The following DNAJB6 variants were observed in gnomAD, a reference collection of about 807,000 sequenced individuals.
The protein encoded by DNAJB6 is DnaJ heat shock protein family (Hsp40) member B6, also known as dnaJ homolog subfamily B member 6.
A neutral mutation model predicts 42.7 loss-of-function variants in DNAJB6; 16 were observed. The ratio of observed to expected loss-of-function variants is 0.37; its 90% CI spans 0.25 to 0.57. The LOEUF is 0.57. Among genes scored for constraint, DNAJB6 ranks in the 20% least tolerant of loss-of-function variants. The pLI, the probability that DNAJB6 is intolerant of heterozygous loss-of-function variation, is 0.74. For missense variants in DNAJB6, 347 were observed against 416.8 expected, an observed-to-expected ratio of 0.83 and a Z score of 1.46; for synonymous variants, 170 against 163.5, an observed-to-expected ratio of 1.04 and a Z score of -0.30.
At chr7:157,361,161 G>GTT (rs11334356) in intron 2 of DNAJB6, among the ~76,000 whole-genome samples, 5 of 138,910 alleles carry the variant, frequency 3.6e-5, no homozygotes, top group East Asian at 2.2e-4. Flanking sequence ...ACTGCTACAC[G>GTT]TTTTTTTTTT....
chr7:157,349,587 A>G (rs1412726045), intron 1 of DNAJB6, among the ~76,000 whole-genome samples: 3 of 151,836 alleles, frequency 2.0e-5, no homozygotes, highest in Admixed American at 6.6e-5. Context: ...GGCTCAAGCC[A>G]TCCTCCCACC....
At chr7:157,404,752 T>C (rs1439393328) in intron 8 of DNAJB6, among the ~76,000 whole-genome samples, 3 of 152,114 alleles carry the variant, frequency 2.0e-5, no homozygotes, top group African/African-American at 4.8e-5. Flanking sequence ...GTGATCCGCC[T>C]GCCTCAGCCT....
At position 157,382,007 on chromosome 7, in the gene DNAJB6, TAA is replaced by T. The variant is rs1278263614; in HGVS notation, c.347-238_347-237del. Reference sequence around the variant, plus strand: ...TGTGTGTATGTGCTGTTTTTTTAATTAAGTCTGGTAATTTATTTGATACAATG... The same window carrying T: ...TGTGTGTATGTGCTGTTTTTTTAATTGTCTGGTAATTTATTTGATACAATG... On this transcript the variant is annotated intron_variant, in intron 5 of 9. Coordinates refer to ENST00000262177, the MANE Select transcript of DNAJB6 (RefSeq NM_058246.4). The T allele has an allele frequency of 2.0e-5, 7 of 348,488 alleles. No homozygotes were observed. In the East Asian group the frequency reaches 3.4e-4, roughly 17 times the overall value. 21.6% of individuals were successfully genotyped at this position (348,488 alleles called of 1,614,324 possible).
rs367778990 is a variant in DNAJB6, at chr7:157,350,043, TC to T, written c.-26-8500del. 2.2e-4 allele frequency among the ~76,000 whole-genome samples: 34 copies of T among 152,290 alleles called. No homozygotes were observed. The East Asian group carries it at 6.4e-3, about 29-fold the overall frequency. On this transcript the variant is annotated intron_variant, in intron 1 of 9. Transcript: ENST00000262177. The stretch of plus-strand genomic sequence containing the variant: ...AGCTCAAGCGTTCCCTCATTCTCTG[TC>T]CCCAGAACACTGGGATTACAGGCAT...
chr7:157,363,090 T>A, intron 2 of DNAJB6, 71 bp from the exon 3 acceptor site: 1 of 1,053,674 alleles, frequency 9.5e-7, no homozygotes, highest in Non-Finnish European at 1.4e-6. Flanking sequence ...TCGTGGTTAA[T>A]GATGTTAGTT....
chr7:157,358,500 G>A, intron 1 of DNAJB6, 47 bp from the exon 2 acceptor site: 1 of 1,269,166 alleles, frequency 7.9e-7, no homozygotes, highest in Non-Finnish European at 1.1e-6. Flanking sequence ...ACCGTGATTT[G>A]CCCATCCCCA....
chr7:157,337,213 C>G (rs1019048184), intron 1 of DNAJB6, 69 bp downstream of exon 1: 1 of 152,290 alleles, frequency 6.6e-6, no homozygotes, highest in Admixed American at 6.5e-5. Flanking sequence ...GACGGCGGAC[C>G]TCACCCGGCG....
chr7:157,387,853 TTTG>T (rs1350594511), intron 8 of DNAJB6, among the ~76,000 whole-genome samples: 2 of 152,118 alleles, frequency 1.3e-5, no homozygotes, highest in African/African-American at 2.4e-5. Context: ...TGTTTGTTTG[TTTG>T]TTTTTTTGAG....
chr7:157,414,799 C>T (rs921390780), intron 9 of DNAJB6: 50 of 152,424 alleles, frequency 3.3e-4, no homozygotes, highest in African/African-American at 1.1e-3. Context: ...TGGTGAGAGC[C>T]ACAGCACATT....
At chr7:157,351,915 C>G (rs944184706) in intron 1 of DNAJB6, among the ~76,000 whole-genome samples, 2 of 152,112 alleles carry the variant, frequency 1.3e-5, no homozygotes, top group Non-Finnish European at 2.9e-5. Context: ...ATTGCTTGAA[C>G]CCGGGAGGTG....
In DNAJB6 at chr7:157,383,028, G is replaced by A. The variant is rs192312137; in HGVS notation, c.478+651G>A. Among the ~76,000 whole-genome samples, 798 of 151,978 alleles carry A rather than the reference G, an allele frequency of 5.3e-3. 4 individuals are homozygous for A. Among genetic ancestry groups the A allele is most frequent in the Non-Finnish European group, 7.7e-3 (520 of 67,970 alleles). ...TGTGTTTTGTTTTTAAATTTAAAAA[G>A]AGTCTCACTTTAGTGAGTGCCACTC... is the stretch of plus-strand genomic sequence containing the variant. On this transcript the variant is annotated intron_variant, in intron 6 of 9. Coordinates refer to ENST00000262177, the MANE Select transcript of DNAJB6 (RefSeq NM_058246.4).
intron 8 of DNAJB6, among the ~76,000 whole-genome samples, chr7:157,387,634 A>G (rs909649699): frequency 2.0e-5 from 3 of 152,216 alleles, no homozygotes; most frequent in Non-Finnish European, 4.4e-5. Flanking sequence ...GCATTTTGCT[A>G]TAGCGTTGGT....
Position 157,397,188 on chromosome 7 carries a change from G to A in DNAJB6, c.691+11577G>A, listed in dbSNP as rs184317433. On this transcript the variant is annotated intron_variant, in intron 8 of 9. Coordinates refer to ENST00000262177, the MANE Select transcript of DNAJB6 (RefSeq NM_058246.4). ...GTAGCTACCCCTTGAGGAGTAACCC[G>A]AGCGGCGTGCTTCCTGGGAAGTTGC... 2.6e-3 allele frequency among the ~76,000 whole-genome samples: 399 copies of A among 152,328 alleles called. 1 individual carries two copies. The highest frequency in any genetic ancestry group is 4.4e-3 in the Non-Finnish European group (296 of 68,032).
intron 1 of DNAJB6, among the ~76,000 whole-genome samples, chr7:157,343,739 C>A (rs1798539325): frequency 2.0e-5 from 3 of 152,188 alleles, no homozygotes; most frequent in Admixed American, 2.0e-4. Context: ...ATGAGCTACC[C>A]ACGCCTAATC....
chr7:157,372,673 C>T (rs899850296), intron 5 of DNAJB6, among the ~76,000 whole-genome samples: 5 of 152,164 alleles, frequency 3.3e-5, no homozygotes, highest in African/African-American at 7.2e-5. Flanking sequence ...GGCTCTTTCC[C>T]TAGAAGCCAG....
chr7:157,363,593 C>T (rs1186335695), intron 3 of DNAJB6, among the ~76,000 whole-genome samples: 1 of 152,108 alleles, frequency 6.6e-6, no homozygotes, highest in African/African-American at 2.4e-5. Context: ...ATGTGGCGTG[C>T]TTGCCCCCGT....
intron 1 of DNAJB6, among the ~76,000 whole-genome samples, chr7:157,342,692 A>G (rs145632362): frequency 2.0e-3 from 305 of 152,072 alleles, no homozygotes; most frequent in Middle Eastern, 6.8e-3. Context: ...TGTGACCTCA[A>G]TCCACCTTCC....
At chr7:157,354,345 C>G (rs186866760) in intron 1 of DNAJB6, among the ~76,000 whole-genome samples, 1 of 152,154 alleles carries the variant, frequency 6.6e-6, no homozygotes, top group African/African-American at 2.4e-5. Context: ...CAAGGTTGCT[C>G]CATGTTGATC....
chr7:157,376,403 A>C (rs1435679376), intron 5 of DNAJB6, among the ~76,000 whole-genome samples: 1 of 152,204 alleles, frequency 6.6e-6, no homozygotes, highest in Non-Finnish European at 1.5e-5. Flanking sequence ...AATTTTAAAG[A>C]AGCTCTTGCT....
Sources: gnomAD v4.1 joint callset for allele counts (sites outside exome capture counted in the v4.1 genomes callset) on GRCh38, gnomAD v4.1.1 for gene constraint, MANE v1.5 for transcripts, NCBI Gene and HGNC (gene_info 2026-07-23, HGNC 2026-07-21) for gene names.